Variants in PTPN3 observed in about 807,000 individuals in gnomAD.
PTPN3 encodes the protein tyrosine-protein phosphatase non-receptor type 3.
PTPN3 carries 96 observed loss-of-function variants against 132.7 expected under a neutral mutation model. That is an observed-to-expected ratio of 0.72 (90% CI 0.61 to 0.86). PTPN3 has a LOEUF of 0.86. Among genes scored for constraint, PTPN3 ranks in the 40% least tolerant of loss-of-function variants. PTPN3 has a pLI of 0.00. For missense variants in PTPN3, 1,125 were observed against 1,159.6 expected (o/e 0.97, Z 0.43); for synonymous variants, 398 against 429.0 (o/e 0.93, Z 0.89).
chr9:109,512,978 T>C, the PTPN3 span, among the ~76,000 whole-genome samples: 12 of 152,266 alleles, frequency 7.9e-5, 2 homozygotes, highest in South Asian at 1.2e-3. Context: ...TAGCCCTGGC[T>C]CAAGCTGTGT....
chr9:109,480,800 G>C (rs958682934), intron 1 of PTPN3, among the ~76,000 whole-genome samples: 4 of 152,272 alleles, frequency 2.6e-5, no homozygotes, highest in Non-Finnish European at 5.9e-5. Flanking sequence ...ACACAAAAAG[G>C]CTGGGTCTGA....
In PTPN3 at chr9:109,438,221, G is replaced by T; in HGVS notation, c.480C>A (p.Asp160Glu). The T allele has an allele frequency of 6.2e-7, 1 of 1,612,826 alleles. No individual in the cohort carries two copies. Among genetic ancestry groups the T allele is most frequent in the East Asian group, 2.2e-5 (1 of 44,872 alleles). The change falls in exon 8 of 26, where the codon GAC becomes GAA. Residue 160 changes from aspartate to glutamate, a missense_variant. Transcript: ENST00000374541. Reference sequence around the variant, plus strand: ...CTGGATGATGTATGGAAGAATTATAGTCTCCAAAATGAGCTATCAAGACAG... The same window carrying T: ...CTGGATGATGTATGGAAGAATTATATTCTCCAAAATGAGCTATCAAGACAG... ...ASYAVQSHFGDYNSSIHHPGY... is the reference protein window; with the variant it reads ...ASYAVQSHFGEYNSSIHHPGY...
chr9:109,475,465 A>G (rs1226431729), intron 1 of PTPN3, among the ~76,000 whole-genome samples: 2 of 152,202 alleles, frequency 1.3e-5, no homozygotes, highest in Non-Finnish European at 2.9e-5. Flanking sequence ...AGACAATGGA[A>G]TATGTTTTAC....
intron 12 of PTPN3, 81 bp from the exon 13 acceptor site, chr9:109,422,933 C>G: frequency 6.6e-7 from 1 of 1,514,896 alleles, no homozygotes; most frequent in South Asian, 1.2e-5. Flanking sequence ...ACAGTCTACA[C>G]ATGCTTCTTG....
chr9:109,383,058 A>G lies in PTPN3; in HGVS notation c.2382+365T>C, dbSNP rs575759157. 2.0e-5 allele frequency among the ~76,000 whole-genome samples: 3 copies of G among 152,234 alleles called. 1 individual carries two copies. Among genetic ancestry groups the G allele is most frequent in the Admixed American group, 1.3e-4 (2 of 15,302 alleles). ...CTTCACAGAAGTTGAATCCTACAGT[A>G]TGTGTCTTTCTATGTCTGGCTTATT... On this transcript the variant is annotated intron_variant, in intron 23 of 25. Transcript: ENST00000374541.
intron 12 of PTPN3, 73 bp downstream of exon 12, chr9:109,426,877 C>T: frequency 6.8e-7 from 1 of 1,469,104 alleles, no homozygotes; most frequent in Non-Finnish European, 9.4e-7. Context: ...CTAACAATGT[C>T]CTCTATTCAC....
intron 10 of PTPN3, among the ~76,000 whole-genome samples, chr9:109,430,602 C>G (rs1200349736): frequency 6.6e-6 from 1 of 152,120 alleles, no homozygotes; most frequent in East Asian, 1.9e-4. Context: ...GCCCTGGGGA[C>G]AGAGGGAAGA....
In PTPN3 at chr9:109,381,910, G is replaced by A. The variant is rs185052142; in HGVS notation, c.2529-123C>T. The A allele has an allele frequency of 9.5e-4, 1,098 of 1,154,798 alleles. 1 individual carries two copies. Among genetic ancestry groups the A allele is most frequent in the Non-Finnish European group, 1.2e-3 (994 of 798,538 alleles). 71.5% of individuals were successfully genotyped at this position (1,154,798 alleles called of 1,614,324 possible). A position where few individuals can be genotyped will look rare whatever the true frequency, so the allele number is the denominator to read the frequency against. ...CCCTTGGCCTTCGAGAAGACAAAAC[G>A]CACACTCACGGCGTGCTCTCAAACA... On this transcript the variant is annotated intron_variant, in intron 24 of 25. Transcript: ENST00000374541.
the PTPN3 span, among the ~76,000 whole-genome samples, chr9:109,510,571 AAAAAAATATATAT>A: frequency 6.0e-4 from 33 of 54,984 alleles, 2 homozygotes; most frequent in South Asian, 6.3e-3. Context: ...AAAAAAAAAA[AAAAAAATATATAT>A]ATATATATAT....
chr9:109,506,146 G>A, the PTPN3 span, among the ~76,000 whole-genome samples: 7 of 152,086 alleles, frequency 4.6e-5, no homozygotes, highest in African/African-American at 7.2e-5. Context: ...CCACATATAC[G>A]GACCCTCAGC....
At position 109,420,498 on chromosome 9, in the gene PTPN3, A is replaced by C. The variant is rs181688303; in HGVS notation, c.1239T>G (p.Phe413Leu). Residue 413 changes from phenylalanine (F) to leucine (L), a missense_variant, in exon 14 of 26, where the codon TTT becomes TTG. Coordinates refer to ENST00000374541, the MANE Select transcript of PTPN3 (RefSeq NM_002829.4). Reference protein sequence around the residue: ...MTYITETEDVFYTYKGSLAPQ... With the variant: ...MTYITETEDVLYTYKGSLAPQ... ...GGGCCAGAGAGCCCTTGTACGTGTA[A>C]AATACATCTTCCGTTTCCGTGATGT... The C allele has an allele frequency of 6.2e-7, 1 of 1,613,742 alleles. No individual in the cohort carries two copies. The highest frequency in any genetic ancestry group is 2.2e-5 in the East Asian group (1 of 44,888).
At chr9:109,478,404 G>A (rs1465152249) in intron 1 of PTPN3, among the ~76,000 whole-genome samples, 3 of 152,272 alleles carry the variant, frequency 2.0e-5, no homozygotes, top group East Asian at 3.9e-4. Flanking sequence ...ATTCCACCAC[G>A]TGGGTGTACA....
At chr9:109,447,461 T>C (rs1483500466) in intron 6 of PTPN3, among the ~76,000 whole-genome samples, 1 of 151,872 alleles carries the variant, frequency 6.6e-6, no homozygotes, top group African/African-American at 2.4e-5. Flanking sequence ...TCCCCCTCAC[T>C]GGGGGTGATC....
intron 19 of PTPN3, among the ~76,000 whole-genome samples, chr9:109,398,061 G>T (rs1840748372): frequency 6.6e-5 from 10 of 152,130 alleles, no homozygotes; most frequent in Admixed American, 6.6e-4. Flanking sequence ...ATCCCTTGAG[G>T]CCAGGACTTC....
chr9:109,529,156 C>T, the PTPN3 span, among the ~76,000 whole-genome samples: 1 of 152,214 alleles, frequency 6.6e-6, no homozygotes, highest in Admixed American at 6.5e-5. Context: ...AGCACTTCCA[C>T]CTGGGAGAGA....
intron 1 of PTPN3, among the ~76,000 whole-genome samples, chr9:109,496,464 C>A (rs1430052486): frequency 6.6e-6 from 1 of 152,250 alleles, no homozygotes; most frequent in Non-Finnish European, 1.5e-5. Flanking sequence ...ACTTGGGTTA[C>A]ACCCCAGCTC....
intron 5 of PTPN3, among the ~76,000 whole-genome samples, chr9:109,452,702 A>G (rs1471777139): frequency 1.3e-5 from 2 of 151,958 alleles, no homozygotes; most frequent in African/African-American, 2.4e-5. Context: ...ATGCTGACAC[A>G]TGCACCACCA....
At chr9:109,428,033 A>T (rs1266908237) in intron 11 of PTPN3, among the ~76,000 whole-genome samples, 1 of 152,230 alleles carries the variant, frequency 6.6e-6, no homozygotes, top group Non-Finnish European at 1.5e-5. Context: ...GACTTTGCTT[A>T]TGAGATATAT....
At chr9:109,447,612 G>T (rs779716542) in intron 6 of PTPN3, among the ~76,000 whole-genome samples, 5 of 152,062 alleles carry the variant, frequency 3.3e-5, no homozygotes, top group African/African-American at 7.2e-5. Flanking sequence ...CTTTCCTCAA[G>T]GTGTCTCTTG....
Sources: gnomAD v4.1 joint callset for allele counts (sites outside exome capture counted in the v4.1 genomes callset) on GRCh38, gnomAD v4.1.1 for gene constraint, MANE v1.5 for transcripts, NCBI Gene and HGNC (gene_info 2026-07-23, HGNC 2026-07-21) for gene names.